Variants in NRCAM observed in about 807,000 individuals in gnomAD.
NRCAM encodes the protein NgCAM-related cell adhesion molecule.
NRCAM carries 83 observed loss-of-function variants against 156.5 expected under a neutral mutation model. That is an observed-to-expected ratio of 0.53 (90% CI 0.44 to 0.64). NRCAM has a LOEUF of 0.64. Among genes scored for constraint, NRCAM ranks in the 30% least tolerant of loss-of-function variants. The pLI is 0.00. For synonymous variants in NRCAM, 538 were observed against 563.9 expected, an observed-to-expected ratio of 0.95 and a Z score of 0.65; for missense variants, 1,417 against 1,597.3, an observed-to-expected ratio of 0.89 and a Z score of 1.92.
chr7:108,206,276 T>C (rs1224534325), intron 13 of NRCAM, among the ~76,000 whole-genome samples: 4 of 152,212 alleles, frequency 2.6e-5, no homozygotes, highest in Non-Finnish European at 5.9e-5. Flanking sequence ...CAGCAGGTTT[T>C]TGGAACCATC....
Position 108,178,083 on chromosome 7 carries a change from C to T in NRCAM, c.2881G>A (p.Val961Met). The change falls in exon 26 of 33, where the codon GTG (valine) becomes ATG (methionine). Residue 961 changes from valine to methionine, a missense_variant. Physicochemically the swap from Val to Met is conservative, Grantham distance 21. This residue lies in a region of NRCAM where 1,238 missense variants were observed against 1,336.4 expected (regional missense o/e 0.93). Transcript: ENST00000379028. ...GTGAGAGAGTCCAGTGTTGGATTCA[C>T]AATCTTCAAAGACGAGGGAGCACTG... ...VPSAPSSLKI[V>M]NPTLDSLTLE... 6.2e-7 allele frequency: 1 copy of T among 1,613,372 alleles called. No homozygotes were observed.
At chr7:108,346,212 A>G (rs2099353260) in intron 2 of NRCAM, among the ~76,000 whole-genome samples, 1 of 152,222 alleles carries the variant, frequency 6.6e-6, no homozygotes. Context: ...TTGAGATATC[A>G]CATCCAATCC....
At chr7:108,159,643 C>A in intron 31 of NRCAM, 102 bp from the exon 32 acceptor site, 1 of 834,284 alleles carries the variant, frequency 1.2e-6, no homozygotes, top group Non-Finnish European at 2.0e-6. Context: ...AAAAATAATT[C>A]CATACACAAG....
At chr7:108,240,511 C>T (rs566491529) in intron 3 of NRCAM, among the ~76,000 whole-genome samples, 145 of 152,304 alleles carry the variant, frequency 9.5e-4, no homozygotes, top group African/African-American at 2.6e-3. Context: ...CAAGCAATCA[C>T]TTTGTGACTT....
At chr7:108,159,846 A>C (rs427615) in intron 31 of NRCAM, among the ~76,000 whole-genome samples, 115,331 of 151,956 alleles carry the variant, frequency 0.76, 44,899 homozygotes, top group Non-Finnish European at 0.85. Context: ...TTAATGGTTG[A>C]AAATTGTTTT....
intron 30 of NRCAM, among the ~76,000 whole-genome samples, chr7:108,165,331 C>T (rs1016117654): frequency 1.2e-4 from 19 of 152,104 alleles, no homozygotes; most frequent in African/African-American, 2.7e-4. Flanking sequence ...GGCAGGTACT[C>T]GACCTCTCTG....
intron 2 of NRCAM, among the ~76,000 whole-genome samples, chr7:108,365,372 T>C (rs1563455452): frequency 2.0e-5 from 3 of 152,196 alleles, no homozygotes; most frequent in Non-Finnish European, 2.9e-5. Context: ...ATTTACTCCA[T>C]AAAATTATCT....
intron 13 of NRCAM, among the ~76,000 whole-genome samples, chr7:108,198,926 T>C (rs1369584619): frequency 6.6e-6 from 1 of 152,206 alleles, no homozygotes; most frequent in African/African-American, 2.4e-5. Context: ...GAGGATTTAG[T>C]CCCGGGCATG....
chr7:108,233,835 C>G (rs1329476753), intron 6 of NRCAM, among the ~76,000 whole-genome samples: 1 of 152,188 alleles, frequency 6.6e-6, no homozygotes, highest in African/African-American at 2.4e-5. Flanking sequence ...TCCAAAACTT[C>G]CATATATGAC....
At position 108,370,589 on chromosome 7, in the gene NRCAM, CG is replaced by C. The variant is rs370687305; in HGVS notation, c.-174+28846del. Among the ~76,000 whole-genome samples the C allele has an allele frequency of 2.5e-3, 375 of 152,090 alleles. 3 individuals are homozygous for C. Among genetic ancestry groups the C allele is most frequent in the African/African-American group, 8.7e-3 (361 of 41,492 alleles). On this transcript the variant is annotated intron_variant, in intron 2 of 32. Coordinates refer to ENST00000379028, the MANE Select transcript of NRCAM (RefSeq NM_001037132.4). The stretch of plus-strand genomic sequence containing the variant: ...TCTGTAAACATTAATAAAATCGTAA[CG>C]TTTTTCAGATAGCCAAATATTTAAC...
In NRCAM at chr7:108,237,781, T is replaced by C. The variant is rs773268961; in HGVS notation, c.107-12A>G. ...TTCAAGAAGTTTTGCTTTTTCCCCATCAATATCAGCAGGTAAGTGGGCAAA... is the reference window on the plus strand; with the variant it reads ...TTCAAGAAGTTTTGCTTTTTCCCCACCAATATCAGCAGGTAAGTGGGCAAA... On this transcript the variant is annotated splice_polypyrimidine_tract_variant and intron_variant, in intron 4 of 32. Coordinates refer to ENST00000379028, the MANE Select transcript of NRCAM (RefSeq NM_001037132.4). 6.3e-7 allele frequency: 1 copy of C among 1,590,246 alleles called. No homozygotes were observed. Among genetic ancestry groups the C allele is most frequent in the East Asian group, 2.3e-5 (1 of 44,156 alleles).
chr7:108,221,487 G>GTATA (rs546080509), intron 11 of NRCAM, among the ~76,000 whole-genome samples: 30 of 151,992 alleles, frequency 2.0e-4, no homozygotes, highest in African/African-American at 7.0e-4. Context: ...AGAAACTGTG[G>GTATA]TATATATATA....
intron 2 of NRCAM, among the ~76,000 whole-genome samples, chr7:108,313,530 A>G (rs1426731053): frequency 4.6e-5 from 7 of 152,218 alleles, no homozygotes; most frequent in Non-Finnish European, 1.0e-4. Context: ...TCTGGACTGC[A>G]CTCAAATATT....
chr7:108,350,616 GTCTT>G (rs778917584), intron 2 of NRCAM, among the ~76,000 whole-genome samples: 63 of 152,228 alleles, frequency 4.1e-4, no homozygotes, highest in African/African-American at 1.2e-3. Context: ...TGCCCTGACT[GTCTT>G]TCTTTATTTT....
intron 2 of NRCAM, among the ~76,000 whole-genome samples, chr7:108,386,000 T>A (rs1403882272): frequency 6.6e-6 from 1 of 152,104 alleles, no homozygotes; most frequent in Non-Finnish European, 1.5e-5. Context: ...CAGGGTGTGA[T>A]GGGGCCCCTA....
intron 3 of NRCAM, among the ~76,000 whole-genome samples, chr7:108,279,014 T>C (rs902083119): frequency 3.9e-5 from 6 of 152,156 alleles, no homozygotes; most frequent in South Asian, 2.1e-4. Flanking sequence ...TCAAGGCCCA[T>C]ATAGAAAGTA....
chr7:108,268,644 GCGGC>G (rs2097212014), intron 3 of NRCAM, among the ~76,000 whole-genome samples: 1 of 129,786 alleles, frequency 7.7e-6, no homozygotes, highest in Non-Finnish European at 1.7e-5. Flanking sequence ...GTTGGGGGGG[GCGGC>G]GGTGGCGGGA....
At chr7:108,450,181 C>T (rs1020319260) in intron 1 of NRCAM, among the ~76,000 whole-genome samples, 6 of 151,136 alleles carry the variant, frequency 4.0e-5, no homozygotes, top group Admixed American at 1.3e-4. Context: ...TTCCTGTGTT[C>T]GAACTGAATA....
intron 1 of NRCAM, among the ~76,000 whole-genome samples, chr7:108,455,515 C>A (rs1333831209): frequency 6.6e-6 from 1 of 152,076 alleles, no homozygotes; most frequent in Non-Finnish European, 1.5e-5. Flanking sequence ...CAGGGCGGGG[C>A]GCAGGGACTC....
Sources: allele counts gnomAD v4.1 joint callset (sites outside exome capture counted in the v4.1 genomes callset), GRCh38; gene constraint gnomAD v4.1.1; regional missense constraint gnomAD v4.1.1; transcripts MANE v1.5; gene names NCBI Gene and HGNC (gene_info 2026-07-23, HGNC 2026-07-21).